GDF5: variants seen among roughly 807,000 people sequenced by gnomAD.
GDF5 encodes the protein growth differentiation factor 5, also known as growth/differentiation factor 5.
A neutral mutation model predicts 34.6 loss-of-function variants in GDF5; 17 were observed. The ratio of observed to expected loss-of-function variants is 0.49; its 90% CI spans 0.34 to 0.74. The LOEUF (loss-of-function observed/expected upper bound fraction) is 0.74. Ranked by LOEUF, GDF5 falls within the 30% of genes least tolerant of loss-of-function variation. The probability of loss-of-function intolerance (pLI) is 0.01; values close to 1 mark genes in which losing one functional copy is unlikely to be tolerated. For synonymous variants in GDF5, 332 were observed against 290.7 expected (o/e 1.14, Z -1.44); for missense variants, 616 against 661.2 (o/e 0.93, Z 0.75).
At chr20:35,445,167 C>G (rs1007223531) in intron 1 of GDF5, among the ~76,000 whole-genome samples, 5 of 152,186 alleles carry the variant, frequency 3.3e-5, no homozygotes, top group Non-Finnish European at 5.9e-5. Context: ...TAATCTCAAG[C>G]AAATTATTTC....
At chr20:35,436,108 T>C (rs2062471651) in intron 1 of GDF5, among the ~76,000 whole-genome samples, 1 of 152,210 alleles carries the variant, frequency 6.6e-6, no homozygotes, top group Non-Finnish European at 1.5e-5. Context: ...CCCTCCTTCC[T>C]AAATTGCAAT....
rs187703234 is a variant in GDF5 at position 35,447,232 on chromosome 20, T to A, written c.-397-5845A>T. The stretch of plus-strand genomic sequence containing the variant: ...CCCCACCTCACAACAGGCCCCGGTG[T>A]GTGATGTTCCCCTTCCTGTGTCCAA... On this transcript the variant is annotated intron_variant, in intron 1 of 3. Transcript: ENST00000374372. Among the ~76,000 whole-genome samples, 121 of 151,812 alleles carry A rather than the reference T, an allele frequency of 8.0e-4. 2 individuals are homozygous for A. Among genetic ancestry groups the A allele is most frequent in the African/African-American group, 2.6e-3 (106 of 41,384 alleles).
chr20:35,442,592 G>A (rs1279251216), upstream of GDF5, among the ~76,000 whole-genome samples: 1 of 134,030 alleles, frequency 7.5e-6, no homozygotes, highest in Non-Finnish European at 1.6e-5. Flanking sequence ...AGGCTAGAGT[G>A]AAGAGTGCAG....
chr20:35,434,245 C>T lies in GDF5; in HGVS notation c.1170G>A (p.Lys390=). ...GAGCCTTAAGGTTCTTGCTGGGTCG[C>T]TTGCCCTGGCGAGTGGCCAGTGGGG... The part of the protein sequence containing the change: ...RRAPLATRQG[K]RPSKNLKARC... The change falls in exon 2 of 2, where the codon AAG becomes AAA. Residue 390 remains lysine (K), a synonymous_variant. Coordinates refer to ENST00000374369, the MANE Select transcript of GDF5 (RefSeq NM_000557.5). 6.2e-7 allele frequency: 1 copy of T among 1,614,120 alleles called. No homozygotes were observed. Among genetic ancestry groups the T allele is most frequent in the Non-Finnish European group, 8.5e-7 (1 of 1,180,032 alleles).
chr20:35,448,413 A>AATATATATAT (rs1213425473), intron 1 of GDF5, among the ~76,000 whole-genome samples: 2 of 96,478 alleles, frequency 2.1e-5, no homozygotes, highest in African/African-American at 8.1e-5. Context: ...AAAAAAAAAA[A>AATATATATAT]ATATATATAT....
At chr20:35,439,058 C>A (rs1198512223), upstream of GDF5, among the ~76,000 whole-genome samples, 2 of 151,904 alleles carry the variant, frequency 1.3e-5, no homozygotes, top group Admixed American at 6.6e-5. Context: ...AGTGCATATT[C>A]TTCAGGCTTG....
At chr20:35,438,687 G>T (rs554268575), upstream of GDF5, among the ~76,000 whole-genome samples, 2 of 152,120 alleles carry the variant, frequency 1.3e-5, no homozygotes, top group Non-Finnish European at 2.9e-5. Flanking sequence ...CCACTTTCCC[G>T]AGGAGAGATG....
rs1395990225 is a variant in GDF5 at position 35,434,583 on chromosome 20, G to A, written c.832C>T (p.Leu278=). The A allele has an allele frequency of 1.3e-6, 2 of 1,588,042 alleles. No individual in the cohort carries two copies. The highest frequency in any genetic ancestry group is 2.3e-5 in the East Asian group (1 of 44,418). The change falls in exon 2 of 2, where the codon CTG becomes TTG. Residue 278 remains leucine, a synonymous_variant. Coordinates refer to ENST00000374369, the MANE Select transcript of GDF5 (RefSeq NM_000557.5). ...CPSGRQPAAL[L]DVRSVPGLDG... ...AGGCCTGGCACGGAGCGCACATCCA[G>A]CAAGGCGGCCGGCTGCCGGCCGCTG...
At chr20:35,436,261 C>T (rs1265946027) in intron 1 of GDF5, among the ~76,000 whole-genome samples, 1 of 152,146 alleles carries the variant, frequency 6.6e-6, no homozygotes, top group Non-Finnish European at 1.5e-5. Flanking sequence ...CACAGCTTTC[C>T]CTGGCTGGGC....
chr20:35,449,053 A>G (rs224344), intron 1 of GDF5, among the ~76,000 whole-genome samples: 95,858 of 152,044 alleles, frequency 0.63, 32,526 homozygotes, highest in Non-Finnish European at 0.76. Flanking sequence ...CGGCATTCCT[A>G]ACACATCCCA....
intron 1 of GDF5, among the ~76,000 whole-genome samples, chr20:35,451,330 C>A (rs998213954): frequency 6.6e-6 from 1 of 151,690 alleles, no homozygotes; most frequent in African/African-American, 2.4e-5. Context: ...AAACCGTTCC[C>A]CTCACCTGGC....
upstream of GDF5, among the ~76,000 whole-genome samples, chr20:35,442,386 T>C (rs1306039189): frequency 6.6e-6 from 1 of 151,716 alleles, no homozygotes; most frequent in Non-Finnish European, 1.5e-5. Context: ...CCTCAGGTGA[T>C]CCACAAAAAA....
upstream of GDF5, chr20:35,441,482 TCTCA>T (rs2146586462): frequency 6.8e-6 from 1 of 146,944 alleles, no homozygotes; most frequent in Admixed American, 7.0e-5. Context: ...TTAGATGGAG[TCTCA>T]CTCTGTCACC....
At chr20:35,446,897 C>T (rs1568736953) in intron 1 of GDF5, among the ~76,000 whole-genome samples, 1 of 1,382 alleles carries the variant, frequency 7.2e-4, no homozygotes, top group Non-Finnish European at 8.3e-3. Flanking sequence ...TGGGGACTGC[C>T]TGTCCCAACC....
At chr20:35,438,412 A>G (rs1402400615), upstream of GDF5, among the ~76,000 whole-genome samples, 2 of 149,358 alleles carry the variant, frequency 1.3e-5, no homozygotes, top group East Asian at 4.0e-4. Flanking sequence ...GCAGGTGCTC[A>G]GAAAAATCTT....
At position 35,433,768 on chromosome 20, in the gene GDF5, A is replaced by T; in HGVS notation, c.*141T>A. The T allele has an allele frequency of 2.5e-6, 2 of 800,196 alleles. No individual in the cohort carries two copies. Among genetic ancestry groups the T allele is most frequent in the East Asian group, 2.4e-5 (1 of 41,012 alleles). The allele number at this position is 800,196 out of a possible 1,614,324, so 49.6% of individuals were successfully genotyped here. A position where few individuals can be genotyped will look rare whatever the true frequency, so the allele number is the denominator to read the frequency against. On this transcript the variant is annotated 3_prime_UTR_variant, in exon 2 of 2. Coordinates refer to ENST00000374369, the MANE Select transcript of GDF5 (RefSeq NM_000557.5). The stretch of plus-strand genomic sequence containing the variant: ...CCTTTAGCCCAAGTCACACTCAGAG[A>T]GCGAGCAAGCTTATTGGAATCCCCT...
At chr20:35,448,350 C>T (rs1344925255) in intron 1 of GDF5, among the ~76,000 whole-genome samples, 5 of 140,326 alleles carry the variant, frequency 3.6e-5, no homozygotes, top group South Asian at 4.5e-4. Context: ...AAGCTGGACG[C>T]GGTGGTGCAC....
intron 1 of GDF5, among the ~76,000 whole-genome samples, chr20:35,451,090 T>TATATATATATATAC (rs2062531792): frequency 7.6e-6 from 1 of 131,364 alleles, no homozygotes; most frequent in Non-Finnish European, 1.7e-5. Flanking sequence ...TATATATATA[T>TATATATATATATAC]ATACACAAAT....
At chr20:35,442,160 T>A (rs971834475), upstream of GDF5, among the ~76,000 whole-genome samples, 1 of 152,074 alleles carries the variant, frequency 6.6e-6, no homozygotes, top group Non-Finnish European at 1.5e-5. Context: ...TTTTTTTATT[T>A]TTTTGAGATG....
Sources: allele counts gnomAD v4.1 joint callset (sites outside exome capture counted in the v4.1 genomes callset), GRCh38; gene constraint gnomAD v4.1.1; transcripts MANE v1.5; gene names NCBI Gene and HGNC (gene_info 2026-07-23, HGNC 2026-07-21).